The following ADAMTS12 variants were observed in gnomAD, a reference collection of about 807,000 sequenced individuals.
ADAMTS12 encodes the protein ADAM metallopeptidase with thrombospondin type 1 motif 12.
In ADAMTS12, 118 loss-of-function variants were observed where a neutral mutation model predicts 167.8. The ratio of observed to expected loss-of-function variants is 0.70; its 90% CI spans 0.61 to 0.82. The LOEUF (loss-of-function observed/expected upper bound fraction) is 0.82. Among genes scored for constraint, ADAMTS12 ranks in the 40% least tolerant of loss-of-function variants. The pLI is 0.00. For missense variants in ADAMTS12, 1,916 were observed against 1,998.8 expected, an observed-to-expected ratio of 0.96 and a Z score of 0.79; for synonymous variants, 704 against 716.9, an observed-to-expected ratio of 0.98 and a Z score of 0.29.
intron 1 of ADAMTS12, among the ~76,000 whole-genome samples, chr5:33,887,804 T>C (rs1323342305): frequency 6.6e-6 from 1 of 151,984 alleles, no homozygotes; most frequent in African/African-American, 2.4e-5. Context: ...CAGGCTGGCA[T>C]GATCTTGGCG....
intron 5 of ADAMTS12, among the ~76,000 whole-genome samples, chr5:33,662,902 T>C (rs755331249): frequency 6.6e-6 from 1 of 152,220 alleles, no homozygotes; most frequent in South Asian, 2.1e-4. Context: ...GGAGGATGAC[T>C]AACCTCCACT....
At chr5:33,760,489 G>C (rs1211702134) in intron 2 of ADAMTS12, among the ~76,000 whole-genome samples, 1 of 152,110 alleles carries the variant, frequency 6.6e-6, no homozygotes, top group East Asian at 1.9e-4. Context: ...GAAGAAAATG[G>C]GCATTCTGAA....
rs1011885448 is a variant in ADAMTS12, at chr5:33,523,800, A to G, written c.*3388T>C. 1.3e-5 allele frequency: 2 copies of G among 152,208 alleles called. No homozygotes were observed. Among genetic ancestry groups the G allele is most frequent in the African/African-American group, 4.8e-5 (2 of 41,434 alleles). The allele number at this position is 152,208 out of a possible 1,614,324, so 9.4% of individuals were successfully genotyped here. On this transcript the variant is annotated 3_prime_UTR_variant, in exon 24 of 24. Coordinates refer to ENST00000504830, the MANE Select transcript of ADAMTS12 (RefSeq NM_030955.4). ...AATACTACTTGAATAAGCAGTACAG[A>G]CAACAGGAGTAGCATCAAATATGTT...
intron 8 of ADAMTS12, 98 bp from the exon 9 acceptor site, chr5:33,649,064 C>A (rs1740783136): frequency 1.4e-6 from 2 of 1,430,522 alleles, no homozygotes; most frequent in Admixed American, 2.3e-5. Flanking sequence ...TACTCTTTGT[C>A]CTTTAAGACA....
intron 7 of ADAMTS12, among the ~76,000 whole-genome samples, chr5:33,653,473 T>G (rs1370952426): frequency 1.3e-5 from 2 of 152,152 alleles, no homozygotes; most frequent in Non-Finnish European, 2.9e-5. Flanking sequence ...GTTCTTTAGT[T>G]TTCTCTTTTG....
At chr5:33,850,577 G>A (rs1749186007) in intron 2 of ADAMTS12, among the ~76,000 whole-genome samples, 1 of 152,156 alleles carries the variant, frequency 6.6e-6, no homozygotes, top group African/African-American at 2.4e-5. Flanking sequence ...TTCCTCACAG[G>A]AACAGTCTGA....
chr5:33,593,253 T>C (rs1332375654), intron 17 of ADAMTS12, among the ~76,000 whole-genome samples: 1 of 152,182 alleles, frequency 6.6e-6, no homozygotes, highest in Non-Finnish European at 1.5e-5. Flanking sequence ...TTTATTGTGT[T>C]TTAATGTGAG....
chr5:33,720,278 TCTCA>T (rs1743763071), intron 3 of ADAMTS12, among the ~76,000 whole-genome samples: 1 of 83,210 alleles, frequency 1.2e-5, no homozygotes, highest in African/African-American at 4.7e-5. Context: ...TCTCTCTCTC[TCTCA>T]CTCACACACA....
intron 3 of ADAMTS12, among the ~76,000 whole-genome samples, chr5:33,738,566 G>A (rs1744448208): frequency 6.6e-6 from 1 of 152,170 alleles, no homozygotes; most frequent in African/African-American, 2.4e-5. Flanking sequence ...CTATCCTTTG[G>A]TTAGGAATGT....
intron 9 of ADAMTS12, among the ~76,000 whole-genome samples, chr5:33,647,373 AG>A (rs2112186623): frequency 6.6e-6 from 1 of 152,234 alleles, no homozygotes; most frequent in East Asian, 1.9e-4. Flanking sequence ...ATCAGAGTTG[AG>A]GGGAAGCGTT....
intron 3 of ADAMTS12, among the ~76,000 whole-genome samples, chr5:33,693,073 G>C (rs991208043): frequency 5.3e-5 from 8 of 152,294 alleles, no homozygotes; most frequent in Admixed American, 3.3e-4. Flanking sequence ...TCTGTTAGTC[G>C]GAAGCCTGCA....
intron 14 of ADAMTS12, among the ~76,000 whole-genome samples, chr5:33,619,721 A>G (rs1739213726): frequency 6.6e-6 from 1 of 152,020 alleles, no homozygotes; most frequent in African/African-American, 2.4e-5. Flanking sequence ...TTTGAGATGG[A>G]GTCTCGCTCT....
chr5:33,800,632 ATT>A (rs11325243), intron 2 of ADAMTS12, among the ~76,000 whole-genome samples: 26 of 151,422 alleles, frequency 1.7e-4, no homozygotes, highest in Admixed American at 7.2e-4. Context: ...ATTCAAAAGT[ATT>A]TTTTTTTTGA....
At chr5:33,846,493 T>TCAAATG (rs1748950161) in intron 2 of ADAMTS12, among the ~76,000 whole-genome samples, 1 of 152,196 alleles carries the variant, frequency 6.6e-6, no homozygotes, top group South Asian at 2.1e-4. Flanking sequence ...TAGGTCAAGC[T>TCAAATG]CAAATGCTCA....
intron 12 of ADAMTS12, among the ~76,000 whole-genome samples, chr5:33,633,983 ACT>A (rs1755205388): frequency 6.6e-6 from 1 of 152,030 alleles, no homozygotes; most frequent in Admixed American, 6.6e-5. Flanking sequence ...TCACCCTCAC[ACT>A]CTCTGATTAA....
chr5:33,818,538 A>C (rs1456700525), intron 2 of ADAMTS12, among the ~76,000 whole-genome samples: 1 of 152,040 alleles, frequency 6.6e-6, no homozygotes, highest in Non-Finnish European at 1.5e-5. Flanking sequence ...TGTAATTCAC[A>C]TGAGTGTAGA....
intron 13 of ADAMTS12, among the ~76,000 whole-genome samples, chr5:33,628,028 G>T (rs541241324): frequency 4.6e-5 from 7 of 152,254 alleles, no homozygotes; most frequent in African/African-American, 1.7e-4. Flanking sequence ...GGTGTGATGG[G>T]GTTGATCCAG....
chr5:33,698,036 G>C (rs1179619045), intron 3 of ADAMTS12, among the ~76,000 whole-genome samples: 2 of 152,352 alleles, frequency 1.3e-5, no homozygotes, highest in South Asian at 2.1e-4. Flanking sequence ...CAGGTCTTTG[G>C]GGGTGTGCAG....
intron 18 of ADAMTS12, among the ~76,000 whole-genome samples, chr5:33,577,571 A>C (rs1339184386): frequency 6.6e-6 from 1 of 152,174 alleles, no homozygotes; most frequent in Non-Finnish European, 1.5e-5. Context: ...TATTCTCTGG[A>C]ATATGAAATT....
Sources: allele counts gnomAD v4.1 joint callset (sites outside exome capture counted in the v4.1 genomes callset), GRCh38; gene constraint gnomAD v4.1.1; transcripts MANE v1.5; gene names NCBI Gene and HGNC (gene_info 2026-07-23, HGNC 2026-07-21).